The following JAZF1 variants were observed in gnomAD, a reference collection of about 807,000 sequenced individuals.
The protein encoded by JAZF1 is JAZF zinc finger 1.
JAZF1 carries 8 observed loss-of-function variants against 26.4 expected under a neutral mutation model. The observed-to-expected ratio is 0.30, with a 90% confidence interval of 0.18 to 0.55. The LOEUF (loss-of-function observed/expected upper bound fraction) is 0.55, where lower values mean the gene tolerates loss of function less well. JAZF1 is among the 20% of genes least tolerant of loss of function. JAZF1 has a pLI of 0.94. For synonymous variants in JAZF1, 126 were observed against 122.3 expected, an observed-to-expected ratio of 1.03 and a Z score of -0.20; for missense variants, 199 against 322.0, an observed-to-expected ratio of 0.62 and a Z score of 2.92.
chr7:28,105,691 C>T (rs1225251992), intron 1 of JAZF1, among the ~76,000 whole-genome samples: 2 of 152,230 alleles, frequency 1.3e-5, no homozygotes, highest in African/African-American at 4.8e-5. Flanking sequence ...AAGATTTTGC[C>T]TGTCAGCAAC....
intron 1 of JAZF1, among the ~76,000 whole-genome samples, chr7:28,018,408 G>A (rs1220908143): frequency 2.6e-5 from 4 of 152,196 alleles, no homozygotes; most frequent in Admixed American, 6.5e-5. Context: ...CTTAGCAGGA[G>A]AGAACACAAG....
chr7:27,914,957 GAA>G (rs1278162061), intron 2 of JAZF1: 3 of 390,168 alleles, frequency 7.7e-6, no homozygotes, highest in Non-Finnish European at 1.6e-5. Context: ...AGCTGGTGAA[GAA>G]ATGAGCCCCA....
intron 1 of JAZF1, among the ~76,000 whole-genome samples, chr7:28,108,727 G>T (rs1027338883): frequency 2.6e-5 from 4 of 152,166 alleles, no homozygotes; most frequent in Admixed American, 2.6e-4. Flanking sequence ...CAAAAAATCA[G>T]TATCTCAAAG....
intron 2 of JAZF1, among the ~76,000 whole-genome samples, chr7:27,934,363 A>C (rs1784730681): frequency 6.6e-6 from 1 of 152,188 alleles, no homozygotes; most frequent in Non-Finnish European, 1.5e-5. Flanking sequence ...CAAAAGGAAG[A>C]AAAAGAGAGA....
At chr7:27,855,062 T>C (rs1783220909) in intron 3 of JAZF1, among the ~76,000 whole-genome samples, 1 of 152,146 alleles carries the variant, frequency 6.6e-6, no homozygotes, top group Non-Finnish European at 1.5e-5. Context: ...GTTTGTTCCT[T>C]TTCATTCTCT....
At chr7:28,038,505 T>A (rs10486572) in intron 1 of JAZF1, among the ~76,000 whole-genome samples, 8,386 of 152,266 alleles carry the variant, frequency 0.055, 411 homozygotes, top group African/African-American at 0.13. Flanking sequence ...TTACAAATAT[T>A]AGAGATAATC....
intron 3 of JAZF1, among the ~76,000 whole-genome samples, chr7:27,891,883 A>C (rs1056769490): frequency 2.6e-5 from 4 of 152,166 alleles, no homozygotes; most frequent in African/African-American, 9.7e-5. Context: ...ATTGATTCCA[A>C]CTATACCTAA....
intron 2 of JAZF1, among the ~76,000 whole-genome samples, chr7:27,918,681 C>A (rs957357509): frequency 1.1e-4 from 16 of 152,174 alleles, no homozygotes; most frequent in Admixed American, 1.0e-3. Flanking sequence ...CAAGTAGCCA[C>A]GTGCTTGCTT....
intron 3 of JAZF1, among the ~76,000 whole-genome samples, chr7:27,889,556 A>T (rs1783932952): frequency 6.6e-6 from 1 of 152,240 alleles, no homozygotes; most frequent in African/African-American, 2.4e-5. Context: ...ATATGGGAAA[A>T]GAAAAAGAAG....
At position 28,173,128 on chromosome 7, in the gene JAZF1, A is replaced by C. The variant is rs191070000; in HGVS notation, c.115+7335T>G. 2.1e-3 allele frequency among the ~76,000 whole-genome samples: 316 copies of C among 152,318 alleles called. 2 individuals are homozygous for C. Among genetic ancestry groups the C allele is most frequent in the African/African-American group, 7.0e-3 (292 of 41,554 alleles). The stretch of plus-strand genomic sequence containing the variant: ...GGTGGGCCCTGGCAATATATTCAAA[A>C]ACGGCAAGGAATGCGTTGTACAAGT... On this transcript the variant is annotated intron_variant, in intron 1 of 4. Coordinates refer to ENST00000283928, the MANE Select transcript of JAZF1 (RefSeq NM_175061.4).
intron 2 of JAZF1, among the ~76,000 whole-genome samples, chr7:27,988,520 T>C (rs1024044999): frequency 6.6e-6 from 1 of 151,966 alleles, no homozygotes; most frequent in African/African-American, 2.4e-5. Context: ...GGGATACAGG[T>C]GTACACTACC....
chr7:27,971,933 T>G (rs79644496), intron 2 of JAZF1, among the ~76,000 whole-genome samples: 1 of 152,318 alleles, frequency 6.6e-6, no homozygotes, highest in Non-Finnish European at 1.5e-5. Flanking sequence ...TATACACACA[T>G]GTAAAACTGT....
chr7:28,049,052 T>G (rs1362475295), intron 1 of JAZF1, among the ~76,000 whole-genome samples: 3 of 37,938 alleles, frequency 7.9e-5, no homozygotes, highest in South Asian at 1.0e-3. Context: ...CTCCCTCCCC[T>G]CCCCTCCCCT....
At chr7:28,014,383 T>C (rs1217301245) in intron 1 of JAZF1, among the ~76,000 whole-genome samples, 1 of 152,214 alleles carries the variant, frequency 6.6e-6, no homozygotes, top group Non-Finnish European at 1.5e-5. Context: ...GGTTTGGCTG[T>C]GTCCCCACCC....
chr7:28,044,479 G>T (rs1406212399), intron 1 of JAZF1, among the ~76,000 whole-genome samples: 2 of 152,196 alleles, frequency 1.3e-5, no homozygotes, highest in Non-Finnish European at 1.5e-5. Flanking sequence ...AGGGATGAGT[G>T]ATCCCCTTCC....
At position 27,831,781 on chromosome 7, in the gene JAZF1, A is replaced by G. The variant is rs1055538469; in HGVS notation, c.*1019T>C. The stretch of plus-strand genomic sequence containing the variant: ...TGTTCATCTTTGAAACGTGCTTAGA[A>G]TTTTAGTTCTGATTTGCAACCCACA... On this transcript the variant is annotated 3_prime_UTR_variant, in exon 5 of 5. Transcript: ENST00000283928. 2.7e-5 allele frequency: 6 copies of G among 222,456 alleles called. No homozygotes were observed. The highest frequency in any genetic ancestry group is 1.3e-4 in the African/African-American group (6 of 44,766). 13.8% of individuals were successfully genotyped at this position (222,456 alleles called of 1,614,324 possible).
At chr7:28,139,926 A>G (rs139439235) in intron 1 of JAZF1, among the ~76,000 whole-genome samples, 1 of 152,230 alleles carries the variant, frequency 6.6e-6, no homozygotes, top group East Asian at 1.9e-4. Context: ...TGTTTAGAGT[A>G]TATGTATTTG....
At chr7:28,130,013 G>A (rs903295068) in intron 1 of JAZF1, among the ~76,000 whole-genome samples, 1 of 151,938 alleles carries the variant, frequency 6.6e-6, no homozygotes, top group Non-Finnish European at 1.5e-5. Flanking sequence ...TTTAAATCAA[G>A]GAATTAAAAT....
intron 1 of JAZF1, among the ~76,000 whole-genome samples, chr7:28,016,395 A>G (rs1013740955): frequency 1.3e-5 from 2 of 152,206 alleles, no homozygotes; most frequent in Admixed American, 6.5e-5. Flanking sequence ...TAATCCCTAG[A>G]ATAGTGGGAC....
Sources: gnomAD v4.1 joint callset for allele counts (sites outside exome capture counted in the v4.1 genomes callset) on GRCh38, gnomAD v4.1.1 for gene constraint, MANE v1.5 for transcripts, NCBI Gene and HGNC (gene_info 2026-07-23, HGNC 2026-07-21) for gene names.